GPHN: variants seen among roughly 807,000 people sequenced by gnomAD.
GPHN encodes gephyrin.
GPHN carries 17 observed loss-of-function variants against 95.5 expected under a neutral mutation model. The observed-to-expected ratio is 0.18, with a 90% CI of 0.12 to 0.27. GPHN has a LOEUF of 0.27. Among genes scored for constraint, GPHN ranks in the 10% least tolerant of loss-of-function variants. The pLI, the probability that GPHN is intolerant of heterozygous loss-of-function variation, is 1.00. For missense variants in GPHN, 660 were observed against 978.1 expected, an observed-to-expected ratio of 0.67 and a Z score of 4.34; for synonymous variants, 320 against 322.5, an observed-to-expected ratio of 0.99 and a Z score of 0.08.
chr14:67,148,113 C>T (rs1028416738), intron 18 of GPHN, among the ~76,000 whole-genome samples: 3 of 152,058 alleles, frequency 2.0e-5, no homozygotes, highest in Non-Finnish European at 2.9e-5. Context: ...TTTTTCAAAA[C>T]AATAAAATAT....
At chr14:67,310,481 C>T in the GPHN span, among the ~76,000 whole-genome samples, 1 of 152,058 alleles carries the variant, frequency 6.6e-6, no homozygotes, top group Non-Finnish European at 1.5e-5. Context: ...TGGAAAGAGA[C>T]CAGGTGGGGC....
chr14:67,128,260 C>CTTTTTTTT (rs763164125), intron 17 of GPHN, among the ~76,000 whole-genome samples: 2 of 144,710 alleles, frequency 1.4e-5, no homozygotes, highest in African/African-American at 5.0e-5. Flanking sequence ...CCTATTTCTA[C>CTTTTTTTT]TTTTTTTTTT....
intron 1 of GPHN, among the ~76,000 whole-genome samples, chr14:66,618,421 A>G (rs1269980012): frequency 6.6e-6 from 1 of 152,174 alleles, no homozygotes; most frequent in Non-Finnish European, 1.5e-5. Flanking sequence ...TTTTTAAATC[A>G]AATTTATCTA....
At chr14:66,635,537 T>A (rs2064049991) in intron 1 of GPHN, among the ~76,000 whole-genome samples, 1 of 152,158 alleles carries the variant, frequency 6.6e-6, no homozygotes, top group Admixed American at 6.5e-5. Context: ...ATACCATTGT[T>A]TAACTGGTCC....
At chr14:67,672,105 G>A in the GPHN span, among the ~76,000 whole-genome samples, 6 of 150,864 alleles carry the variant, frequency 4.0e-5, 1 homozygote, top group African/African-American at 9.7e-5. Flanking sequence ...TCAGTGCCAG[G>A]TTGAAAATGC....
chr14:66,889,533 A>G (rs187282349), intron 5 of GPHN, among the ~76,000 whole-genome samples: 19 of 152,306 alleles, frequency 1.2e-4, no homozygotes. Context: ...TAAAGAAGAA[A>G]TCATAAGGGA....
the GPHN span, chr14:67,200,690 G>A: frequency 6.2e-6 from 1 of 162,596 alleles, no homozygotes; most frequent in African/African-American, 2.4e-5. Context: ...TTTTACTGAT[G>A]TCCCTAGAAC....
chr14:67,363,309 C>G, the GPHN span, among the ~76,000 whole-genome samples: 38 of 151,874 alleles, frequency 2.5e-4, no homozygotes, highest in African/African-American at 9.2e-4. Flanking sequence ...TGCTAAATCC[C>G]TATTTTGTAG....
intron 4 of GPHN, among the ~76,000 whole-genome samples, chr14:66,859,341 A>G (rs1359678674): frequency 1.3e-5 from 2 of 152,164 alleles, no homozygotes; most frequent in Non-Finnish European, 2.9e-5. Context: ...GGGAGAAAAT[A>G]AGAGAAGAGA....
intron 11 of GPHN, among the ~76,000 whole-genome samples, chr14:67,071,783 A>T (rs2076321628): frequency 6.6e-6 from 1 of 151,816 alleles, no homozygotes; most frequent in African/African-American, 2.4e-5. Flanking sequence ...ATTCACTCTT[A>T]AAAAAAATAA....
chr14:66,514,431 G>T (rs975815310), intron 1 of GPHN, among the ~76,000 whole-genome samples: 1 of 151,954 alleles, frequency 6.6e-6, no homozygotes, highest in African/African-American at 2.4e-5. Flanking sequence ...TCAGTATATT[G>T]TGTAACCCTC....
At chr14:67,169,467 GACAAAGGACT>G (rs1441811126) in intron 21 of GPHN, among the ~76,000 whole-genome samples, 1 of 152,164 alleles carries the variant, frequency 6.6e-6, no homozygotes, top group Non-Finnish European at 1.5e-5. Flanking sequence ...TTCAGAAGAA[GACAAAGGACT>G]ACAAAGAGAC....
the GPHN span, among the ~76,000 whole-genome samples, chr14:67,563,546 G>A: frequency 4.6e-5 from 7 of 151,734 alleles, 1 homozygote; most frequent in African/African-American, 7.3e-5. Flanking sequence ...CAATTCTCCC[G>A]CCTCAGCCTC....
chr14:67,392,104 C>A, the GPHN span, among the ~76,000 whole-genome samples: 1 of 152,148 alleles, frequency 6.6e-6, no homozygotes, highest in Non-Finnish European at 1.5e-5. Flanking sequence ...GTACATTTTT[C>A]CCGAACAGCC....
intron 8 of GPHN, among the ~76,000 whole-genome samples, chr14:66,961,862 A>C (rs1035038788): frequency 2.2e-5 from 3 of 136,792 alleles, no homozygotes; most frequent in African/African-American, 8.0e-5. Flanking sequence ...TAAAGAAGGT[A>C]TTCATACCCT....
the GPHN span, among the ~76,000 whole-genome samples, chr14:67,389,758 A>G: frequency 6.6e-6 from 1 of 151,144 alleles, no homozygotes; most frequent in Non-Finnish European, 1.5e-5. Flanking sequence ...TAAATACAAA[A>G]CTAAAGTGTT....
chr14:67,576,296 C>T, the GPHN span: 2 of 671,520 alleles, frequency 3.0e-6, no homozygotes, highest in East Asian at 2.7e-5. The surrounding 1 kb of genome is among the most constrained non-coding windows in gnomAD (Gnocchi z 4.0). Flanking sequence ...ACTAGCTGAA[C>T]CCCACATGGG....
chr14:66,920,018 A>G (rs1468761407), intron 6 of GPHN, among the ~76,000 whole-genome samples: 1 of 152,184 alleles, frequency 6.6e-6, no homozygotes, highest in Non-Finnish European at 1.5e-5. Context: ...GTGAGACAAG[A>G]TGGCGCCATT....
intron 4 of GPHN, among the ~76,000 whole-genome samples, chr14:66,873,293 C>A (rs965220763): frequency 6.6e-6 from 1 of 152,326 alleles, no homozygotes; most frequent in Middle Eastern, 3.4e-3. Flanking sequence ...CCTCGGGTGC[C>A]CACACCACCA....
Sources: gnomAD v4.1 joint callset for allele counts (sites outside exome capture counted in the v4.1 genomes callset) on GRCh38, gnomAD v4.1.1 for gene constraint, Gnocchi (gnomAD v3.1) non-coding constraint, MANE v1.5 for transcripts, NCBI Gene and HGNC (gene_info 2026-07-23, HGNC 2026-07-21) for gene names.